CNTNAP2: variants seen among roughly 807,000 people sequenced by gnomAD.
CNTNAP2 encodes contactin-associated protein-like 2.
Under a neutral mutation model 155.2 loss-of-function variants are expected in CNTNAP2, and 98 were observed. The observed-to-expected ratio is 0.63, with a 90% CI of 0.54 to 0.75. The LOEUF (loss-of-function observed/expected upper bound fraction) is 0.75, where lower values mean the gene tolerates loss of function less well. Among genes scored for constraint, CNTNAP2 ranks in the 30% least tolerant of loss-of-function variants. The pLI, the probability that CNTNAP2 is intolerant of heterozygous loss-of-function variation, is 0.00. For synonymous variants in CNTNAP2, 651 were observed against 631.2 expected, an observed-to-expected ratio of 1.03 and a Z score of -0.47; for missense variants, 1,727 against 1,688.1, an observed-to-expected ratio of 1.02 and a Z score of -0.40.
chr7:147,538,231 G>T (rs1799581766), intron 11 of CNTNAP2, among the ~76,000 whole-genome samples: 2 of 152,230 alleles, frequency 1.3e-5, no homozygotes, highest in African/African-American at 4.8e-5. Context: ...AAATGTGGTT[G>T]TTGGTGAATG....
intron 8 of CNTNAP2, among the ~76,000 whole-genome samples, chr7:147,222,488 A>G (rs1803423182): frequency 6.6e-6 from 1 of 152,068 alleles, no homozygotes; most frequent in Non-Finnish European, 1.5e-5. Context: ...GCATGCTGTC[A>G]CCTTTATCCA....
At chr7:147,121,968 G>A (rs1050385250) in intron 6 of CNTNAP2, 5 of 152,198 alleles carry the variant, frequency 3.3e-5, no homozygotes, top group African/African-American at 9.6e-5. Context: ...ACAGGGTCAG[G>A]AGTTCAAGAC....
At chr7:147,084,409 A>C (rs936830289) in intron 4 of CNTNAP2, among the ~76,000 whole-genome samples, 1 of 114,928 alleles carries the variant, frequency 8.7e-6, no homozygotes, top group African/African-American at 3.2e-5. Context: ...TATATATAAT[A>C]CATATATGCA....
intron 1 of CNTNAP2, among the ~76,000 whole-genome samples, chr7:146,525,570 A>ATCTATCTATCTATCTATCTATCTATCTC (rs1472924221): frequency 1.4e-5 from 2 of 140,126 alleles, no homozygotes; most frequent in African/African-American, 6.4e-5. Flanking sequence ...CTATCTATCT[A>ATCTATCTATCTATCTATCTATCTATCTC]TCTATCTCTC....
chr7:146,395,486 G>A (rs371438499), intron 1 of CNTNAP2, among the ~76,000 whole-genome samples: 5 of 152,106 alleles, frequency 3.3e-5, no homozygotes, highest in African/African-American at 1.2e-4. Context: ...CAGGATGGGG[G>A]TAGGTGAGCC....
intron 3 of CNTNAP2, among the ~76,000 whole-genome samples, chr7:146,848,977 C>T (rs1045387068): frequency 1.6e-4 from 25 of 152,058 alleles, no homozygotes; most frequent in Non-Finnish European, 2.5e-4. Flanking sequence ...GACGGGGTTT[C>T]GCCATGTTGG....
intron 13 of CNTNAP2, 113 bp from the exon 14 acceptor site, chr7:147,903,452 G>C (rs1282166751): frequency 8.6e-7 from 1 of 1,157,244 alleles, no homozygotes; most frequent in African/African-American, 1.5e-5. Context: ...CTTTTAAGAG[G>C]GTTGAGTGAT....
At chr7:147,273,873 GTA>G (rs1037872778) in intron 8 of CNTNAP2, among the ~76,000 whole-genome samples, 99 of 145,448 alleles carry the variant, frequency 6.8e-4, no homozygotes, top group Non-Finnish European at 1.3e-3. Context: ...TGTAATATAT[GTA>G]TATTATATAT....
At chr7:147,709,185 G>A (rs1056709926) in intron 13 of CNTNAP2, among the ~76,000 whole-genome samples, 4 of 152,088 alleles carry the variant, frequency 2.6e-5, no homozygotes, top group Non-Finnish European at 4.4e-5. Context: ...GCAGAATGAT[G>A]GTACAAGGGC....
rs1238983164 is a variant in CNTNAP2, at chr7:146,642,645, A to T, written c.98-131626A>T. Among the ~76,000 whole-genome samples the T allele has an allele frequency of 6.6e-5, 10 of 152,068 alleles. No homozygotes were observed. The South Asian group carries it at 1.0e-3, about 16-fold the overall frequency. On this transcript the variant is annotated intron_variant, in intron 1 of 23. Transcript: ENST00000361727. Reference sequence around the variant, plus strand: ...CGTGTGCATGTGTCTTTATAACAGCATGATTTATAGTCCTTTGGGTATATA... The same window carrying T: ...CGTGTGCATGTGTCTTTATAACAGCTTGATTTATAGTCCTTTGGGTATATA...
chr7:147,373,114 G>T (rs956758581), intron 9 of CNTNAP2, among the ~76,000 whole-genome samples: 2 of 151,926 alleles, frequency 1.3e-5, no homozygotes, highest in Non-Finnish European at 2.9e-5. Flanking sequence ...CTTTCAAAGG[G>T]CAATTAGCAT....
intron 3 of CNTNAP2, among the ~76,000 whole-genome samples, chr7:146,995,401 G>A (rs1798289901): frequency 6.6e-6 from 1 of 151,822 alleles, no homozygotes. Context: ...ATTTATTCTG[G>A]AACATCCATA....
intron 13 of CNTNAP2, among the ~76,000 whole-genome samples, chr7:147,829,229 G>A (rs1584977977): frequency 6.6e-6 from 1 of 152,250 alleles, no homozygotes; most frequent in Admixed American, 6.5e-5. Context: ...AGATGGGGTT[G>A]AGCAGCAGAT....
intron 1 of CNTNAP2, among the ~76,000 whole-genome samples, chr7:146,304,122 G>T: frequency 1.4e-5 from 2 of 145,664 alleles, no homozygotes; most frequent in African/African-American, 5.3e-5. Flanking sequence ...CATTTGCTTG[G>T]TAGATCTTCC....
chr7:147,000,079 C>T (rs1011812722), intron 3 of CNTNAP2, among the ~76,000 whole-genome samples: 1 of 151,460 alleles, frequency 6.6e-6, no homozygotes, highest in African/African-American at 2.4e-5. Context: ...TTCCTTTTTC[C>T]CCTTTGTATA....
In CNTNAP2 at chr7:147,376,706, C is replaced by A. The variant is rs118079502; in HGVS notation, c.1499-18903C>A. ...TCATAATAATACTATGAGATACAAA[C>A]CATTATTTCCTCTATTTTAGAGGTA... On this transcript the variant is annotated intron_variant, in intron 9 of 23. Coordinates refer to ENST00000361727, the MANE Select transcript of CNTNAP2 (RefSeq NM_014141.6). Among the ~76,000 whole-genome samples the A allele has an allele frequency of 2.6e-5, 4 of 151,934 alleles. No homozygotes were observed. The East Asian group carries it at 7.8e-4, about 29-fold the overall frequency.
At chr7:147,166,077 C>A (rs1802107368) in intron 8 of CNTNAP2, among the ~76,000 whole-genome samples, 1 of 152,068 alleles carries the variant, frequency 6.6e-6, no homozygotes, top group South Asian at 2.1e-4. Context: ...GATACTTGGA[C>A]ACAAAAGTTT....
intron 15 of CNTNAP2, 72 bp from the exon 16 acceptor site, chr7:148,118,045 CA>C: frequency 2.0e-6 from 3 of 1,499,764 alleles, no homozygotes; most frequent in Non-Finnish European, 2.8e-6. Context: ...TAAACTCAAG[CA>C]ATGGGTATCT....
At chr7:146,387,923 G>A (rs1047761813) in intron 1 of CNTNAP2, among the ~76,000 whole-genome samples, 13 of 151,826 alleles carry the variant, frequency 8.6e-5, no homozygotes, top group African/African-American at 2.9e-4. Context: ...GATGCTAAAG[G>A]TATTTATTTT....
Sources: gnomAD v4.1 joint callset for allele counts (sites outside exome capture counted in the v4.1 genomes callset) on GRCh38, gnomAD v4.1.1 for gene constraint, MANE v1.5 for transcripts, NCBI Gene and HGNC (gene_info 2026-07-23, HGNC 2026-07-21) for gene names.